OPCML: variants seen among roughly 807,000 people sequenced by gnomAD.
The protein encoded by OPCML is opioid-binding protein/cell adhesion molecule.
OPCML carries 13 observed loss-of-function variants against 37.8 expected under a neutral mutation model. The ratio of observed to expected loss-of-function variants is 0.34; its 90% CI spans 0.22 to 0.55. The LOEUF is 0.55. Ranked by LOEUF, OPCML falls within the 20% of genes least tolerant of loss-of-function variation. OPCML has a pLI of 0.91. For synonymous variants in OPCML, 176 were observed against 168.8 expected (o/e 1.04, Z -0.33); for missense variants, 341 against 435.6 (o/e 0.78, Z 1.93).
At chr11:133,047,926 G>T (rs1948052097) in intron 1 of OPCML, among the ~76,000 whole-genome samples, 1 of 152,110 alleles carries the variant, frequency 6.6e-6, no homozygotes, top group Non-Finnish European at 1.5e-5. Context: ...ATTTCTATCT[G>T]GCACATGCTA....
intron 2 of OPCML, among the ~76,000 whole-genome samples, chr11:132,774,765 C>A (rs563853391): frequency 6.6e-6 from 1 of 152,234 alleles, no homozygotes; most frequent in African/African-American, 2.4e-5. Context: ...ACAGCGACTG[C>A]CATTTTCTGT....
At chr11:132,989,629 GTGTGTGT>G (rs1354610564) in intron 1 of OPCML, among the ~76,000 whole-genome samples, 5 of 151,116 alleles carry the variant, frequency 3.3e-5, no homozygotes, top group African/African-American at 1.2e-4. Flanking sequence ...GTGTGTGTGT[GTGTGTGT>G]GTGTGTGTGT....
At position 132,724,893 on chromosome 11, in the gene OPCML, G is replaced by A. The variant is rs570472451; in HGVS notation, c.147-67574C>T. On this transcript the variant is annotated intron_variant, in intron 2 of 7. Transcript: ENST00000524381. Reference sequence around the variant, plus strand: ...CTCCTTTGACTCCAGGTCTCACATCGAGGTCATGCTGATGCAAGAGTTAGG... The same window carrying A: ...CTCCTTTGACTCCAGGTCTCACATCAAGGTCATGCTGATGCAAGAGTTAGG... Among the ~76,000 whole-genome samples, 20 of 152,240 alleles carry A rather than the reference G, an allele frequency of 1.3e-4. No individual in the cohort carries two copies. In the South Asian group the frequency reaches 3.3e-3, roughly 25 times the overall value.
At chr11:133,383,477 G>A (rs1371324795) in intron 1 of OPCML, among the ~76,000 whole-genome samples, 1 of 152,130 alleles carries the variant, frequency 6.6e-6, no homozygotes, top group Non-Finnish European at 1.5e-5. Context: ...CATGAGACAC[G>A]AACTCCCCTC....
At chr11:133,112,275 G>C (rs1949265621) in intron 1 of OPCML, among the ~76,000 whole-genome samples, 1 of 94,324 alleles carries the variant, frequency 1.1e-5, no homozygotes, top group African/African-American at 4.1e-5. Flanking sequence ...CAAGTTCATT[G>C]ACTCTTGGCC....
In OPCML at chr11:133,370,643, T is replaced by C. The variant is rs1333635036; in HGVS notation, c.61+161621A>G. 3.3e-5 allele frequency among the ~76,000 whole-genome samples: 5 copies of C among 152,050 alleles called. No individual in the cohort carries two copies. In the East Asian group the frequency reaches 9.7e-4, roughly 29 times the overall value. On this transcript the variant is annotated intron_variant, in intron 1 of 7. Coordinates refer to ENST00000524381, the MANE Select transcript of OPCML (RefSeq NM_001012393.5). ...TCATGGATCAGAAGAATTAATGTCA[T>C]TAAAATGGCCATGGAAAAAATCAAC...
rs961134162 is a variant in OPCML, at chr11:132,943,803, G to T, written c.62-793C>A. ...GCGCACGGGGAGCTGGGCGGACGGC[G>T]GCCCCCGCCTCCTCCGGGGACGCGG... On this transcript the variant is annotated intron_variant, in intron 1 of 7. Coordinates refer to ENST00000524381, the MANE Select transcript of OPCML (RefSeq NM_001012393.5). This position sits in a 1 kb window ranked among gnomAD's most constrained non-coding sequence, Gnocchi z 4.3. The T allele has an allele frequency of 4.7e-5, 7 of 150,346 alleles. No homozygotes were observed. Among genetic ancestry groups the T allele is most frequent in the African/African-American group, 1.5e-4 (6 of 41,328 alleles). The allele number at this position is 150,346 out of a possible 1,614,324, so 9.3% of individuals were successfully genotyped here. A position where few individuals can be genotyped will look rare whatever the true frequency, so the allele number is the denominator to read the frequency against.
chr11:132,917,600 C>T (rs549493463), intron 2 of OPCML, among the ~76,000 whole-genome samples: 15 of 152,294 alleles, frequency 9.8e-5, no homozygotes, highest in African/African-American at 2.6e-4. Context: ...TGAGGTACCT[C>T]GTTCCCTCCA....
At chr11:133,192,588 A>G (rs773301869) in intron 1 of OPCML, among the ~76,000 whole-genome samples, 4 of 152,208 alleles carry the variant, frequency 2.6e-5, no homozygotes, top group Non-Finnish European at 4.4e-5. Context: ...TTCAATTATA[A>G]GTAGTAGAAA....
rs926719924 is a variant in OPCML, at chr11:132,419,043, C to T, written c.*1150G>A. The T allele has an allele frequency of 1.3e-5, 2 of 152,580 alleles. No homozygotes were observed. The highest frequency in any genetic ancestry group is 2.9e-5 in the Non-Finnish European group (2 of 68,026). The allele number at this position is 152,580 out of a possible 1,614,324, so 9.5% of individuals were successfully genotyped here. A position where few individuals can be genotyped will look rare whatever the true frequency, so the allele number is the denominator to read the frequency against. On this transcript the variant is annotated 3_prime_UTR_variant, in exon 8 of 8. Transcript: ENST00000524381. ...TGTCTCCCTTGGGTGGATAGGATACCAGATTTTAAAGAGTCCACAACACAG... is the reference window on the plus strand; with the variant it reads ...TGTCTCCCTTGGGTGGATAGGATACTAGATTTTAAAGAGTCCACAACACAG...
At chr11:133,484,146 GGATAGATA>G (rs944894584) in intron 1 of OPCML, among the ~76,000 whole-genome samples, 2 of 125,338 alleles carry the variant, frequency 1.6e-5, no homozygotes, top group East Asian at 4.5e-4. Flanking sequence ...GATGATAGAT[GGATAGATA>G]GATAGATAGG....
intron 7 of OPCML, among the ~76,000 whole-genome samples, chr11:132,434,750 T>C (rs1366705943): frequency 6.6e-6 from 1 of 152,206 alleles, no homozygotes; most frequent in East Asian, 1.9e-4. Flanking sequence ...TTAGCCCTGT[T>C]TGCCTTGGGC....
At chr11:132,655,541 C>T (rs550514592) in intron 3 of OPCML, among the ~76,000 whole-genome samples, 6 of 152,324 alleles carry the variant, frequency 3.9e-5, no homozygotes, top group African/African-American at 7.2e-5. Context: ...AGTGGAAACC[C>T]GCAGCATCTG....
chr11:133,101,194 G>T (rs1211702125), intron 1 of OPCML, among the ~76,000 whole-genome samples: 1 of 152,106 alleles, frequency 6.6e-6, no homozygotes, highest in African/African-American at 2.4e-5. Context: ...AAGTGCTAGG[G>T]TGACAAGTGT....
intron 1 of OPCML, among the ~76,000 whole-genome samples, chr11:133,485,604 C>G (rs1326401153): frequency 6.6e-6 from 1 of 152,164 alleles, no homozygotes; most frequent in African/African-American, 2.4e-5. Flanking sequence ...GAAATAAGAC[C>G]TGCATTACCA....
intron 2 of OPCML, among the ~76,000 whole-genome samples, chr11:132,835,128 A>C (rs1332868888): frequency 6.6e-6 from 1 of 152,170 alleles, no homozygotes; most frequent in East Asian, 1.9e-4. Flanking sequence ...ATGCCCACCT[A>C]ACTGACACAA....
intron 1 of OPCML, among the ~76,000 whole-genome samples, chr11:133,384,202 C>T (rs1191423150): frequency 1.4e-5 from 2 of 146,118 alleles, no homozygotes; most frequent in African/African-American, 5.2e-5. Context: ...ATTTTCCCAA[C>T]GGCCACCCAG....
At chr11:132,927,964 T>C (rs1285409623) in intron 2 of OPCML, among the ~76,000 whole-genome samples, 1 of 151,798 alleles carries the variant, frequency 6.6e-6, no homozygotes, top group African/African-American at 2.4e-5. Flanking sequence ...AAAATACCTA[T>C]AGAATATACA....
chr11:132,949,294 G>A (rs1945808905), intron 1 of OPCML, among the ~76,000 whole-genome samples: 1 of 152,226 alleles, frequency 6.6e-6, no homozygotes, highest in South Asian at 2.1e-4. Context: ...ATATTCCTAT[G>A]TATATGTGGA....
Sources: gnomAD v4.1 joint callset for allele counts (sites outside exome capture counted in the v4.1 genomes callset) on GRCh38, gnomAD v4.1.1 for gene constraint, Gnocchi (gnomAD v3.1) non-coding constraint, MANE v1.5 for transcripts, NCBI Gene and HGNC (gene_info 2026-07-23, HGNC 2026-07-21) for gene names.